KCNH1: variants seen among roughly 807,000 people sequenced by gnomAD.
KCNH1 encodes potassium voltage-gated channel subfamily H member 1, also known as voltage-gated delayed rectifier potassium channel KCNH1.
KCNH1 carries 27 observed loss-of-function variants against 69.2 expected under a neutral mutation model. The observed-to-expected ratio is 0.39, with a 90% CI of 0.29 to 0.54. The LOEUF is 0.54. Ranked by LOEUF, KCNH1 falls within the 20% of genes least tolerant of loss-of-function variation. The probability of loss-of-function intolerance (pLI) is 0.68; values close to 1 mark genes in which losing one functional copy is unlikely to be tolerated. For synonymous variants in KCNH1, 456 were observed against 487.7 expected (o/e 0.93, Z 0.86); for missense variants, 798 against 1,261.6 (o/e 0.63, Z 5.57).
rs1268172126 is a variant in KCNH1 at position 210,683,212 on chromosome 1, T to C, written c.*69A>G. 2.8e-5 allele frequency: 40 copies of C among 1,446,482 alleles called. No individual in the cohort carries two copies. The South Asian group carries it at 4.3e-4, about 16-fold the overall frequency. The allele number at this position is 1,446,482 out of a possible 1,614,324, so 89.6% of individuals were successfully genotyped here. A position where few individuals can be genotyped will look rare whatever the true frequency, so the allele number is the denominator to read the frequency against. On this transcript the variant is annotated 3_prime_UTR_variant, in exon 11 of 11. Transcript: ENST00000271751. This position sits in a 1 kb window ranked among gnomAD's most constrained non-coding sequence, Gnocchi z 5.7. ...GAAAATTGTTGGTCATGTGGACATA[T>C]GTGGTAGGGGTGGTGGTGACGGCAG...
chr1:211,081,757 G>A (rs537097054), intron 5 of KCNH1, among the ~76,000 whole-genome samples: 51 of 152,116 alleles, frequency 3.4e-4, no homozygotes, highest in Non-Finnish European at 6.8e-4. Context: ...TCATAGTTGG[G>A]AATTGAACAA....
At chr1:210,788,685 CTTTTTTTTTTTT>C (rs139485350) in intron 9 of KCNH1, among the ~76,000 whole-genome samples, 25 of 80,716 alleles carry the variant, frequency 3.1e-4, no homozygotes, top group South Asian at 1.5e-3. Flanking sequence ...TAGCTTCTTT[CTTTTTTTTTTTT>C]TTTTTTTTTT....
intron 5 of KCNH1, among the ~76,000 whole-genome samples, chr1:211,043,240 A>G (rs776533645): frequency 6.6e-6 from 1 of 152,238 alleles, no homozygotes; most frequent in Non-Finnish European, 1.5e-5. Context: ...GAGAAAATCC[A>G]AATAACCTCA....
At position 211,070,903 on chromosome 1, in the gene KCNH1, T is replaced by C. The variant is rs572469121; in HGVS notation, c.558+11877A>G. ...AGAATTACAGTTGGCCCTTGAACAA[T>C]GCAGGAGTTAGGGACACCGATGCCC... On this transcript the variant is annotated intron_variant, in intron 5 of 10. Transcript: ENST00000271751. Among the ~76,000 whole-genome samples, 3 of 151,690 alleles carry C rather than the reference T, an allele frequency of 2.0e-5. No individual in the cohort carries two copies. In the East Asian group the frequency reaches 5.8e-4, roughly 29 times the overall value.
intron 5 of KCNH1, among the ~76,000 whole-genome samples, chr1:211,079,319 T>C (rs1303860360): frequency 6.6e-6 from 1 of 152,200 alleles, no homozygotes; most frequent in Non-Finnish European, 1.5e-5. Context: ...ATTGAGGCAA[T>C]AATTAATAGC....
rs180705283 is a variant in KCNH1 at position 211,090,424 on chromosome 1, C to G, written c.439+138G>C. 17 of 704,810 alleles carry G rather than the reference C, an allele frequency of 2.4e-5. No homozygotes were observed. The East Asian group carries it at 5.0e-4, about 21-fold the overall frequency. 43.7% of individuals were successfully genotyped at this position (704,810 alleles called of 1,614,324 possible). On this transcript the variant is annotated intron_variant, in intron 4 of 10. Transcript: ENST00000271751. ...CGATACACTCCAGAATAACACAGTG[C>G]TTTGCTCTATACAAATTAAAGTTAG...
At chr1:210,918,182 C>T (rs1687386609) in intron 7 of KCNH1, among the ~76,000 whole-genome samples, 1 of 152,142 alleles carries the variant, frequency 6.6e-6, no homozygotes, top group South Asian at 2.1e-4. Context: ...GTAACAAAAT[C>T]CACTCACAAA....
chr1:211,063,305 A>G (rs1176884995), intron 5 of KCNH1: 2 of 152,140 alleles, frequency 1.3e-5, no homozygotes, highest in African/African-American at 4.8e-5. Flanking sequence ...TCTAGGAATG[A>G]TAGTAGTGGT....
intron 6 of KCNH1, among the ~76,000 whole-genome samples, chr1:210,994,509 CA>C (rs1295710704): frequency 2.0e-5 from 3 of 152,156 alleles, no homozygotes; most frequent in African/African-American, 4.8e-5. Context: ...AGAGAGTCTT[CA>C]AGGAGATGGT....
At chr1:210,870,084 A>G (rs919644750) in intron 7 of KCNH1, among the ~76,000 whole-genome samples, 3 of 152,126 alleles carry the variant, frequency 2.0e-5, no homozygotes, top group Non-Finnish European at 4.4e-5. Context: ...AGTTGGTATT[A>G]TCATAGGTCT....
At chr1:210,985,267 TG>T (rs1283915597) in intron 6 of KCNH1, among the ~76,000 whole-genome samples, 1 of 152,216 alleles carries the variant, frequency 6.6e-6, no homozygotes, top group Non-Finnish European at 1.5e-5. Context: ...AAGGGTTTTT[TG>T]TGTCTCTATC....
At chr1:210,884,914 A>G (rs1686570411) in intron 7 of KCNH1, among the ~76,000 whole-genome samples, 1 of 152,212 alleles carries the variant, frequency 6.6e-6, no homozygotes, top group African/African-American at 2.4e-5. Context: ...CTGTGAGTCA[A>G]CTTTACCCTT....
chr1:210,751,701 C>T (rs113088189), intron 10 of KCNH1, among the ~76,000 whole-genome samples: 3,153 of 152,088 alleles, frequency 0.021, 109 homozygotes, highest in African/African-American at 0.072. Flanking sequence ...TAACTTTTGA[C>T]TTGAAGTGCA....
At chr1:210,778,413 C>G (rs1339173265) in intron 9 of KCNH1, among the ~76,000 whole-genome samples, 2 of 151,724 alleles carry the variant, frequency 1.3e-5, no homozygotes, top group Admixed American at 6.6e-5. Context: ...GTTCCAACTA[C>G]TCAGAAGGCT....
chr1:211,021,464 C>T (rs1689585224), intron 5 of KCNH1, among the ~76,000 whole-genome samples: 1 of 151,958 alleles, frequency 6.6e-6, no homozygotes, highest in South Asian at 2.1e-4. Flanking sequence ...CTGAAAGTCC[C>T]AGACAGAACA....
chr1:210,993,618 G>A (rs1688972511), intron 6 of KCNH1, among the ~76,000 whole-genome samples: 1 of 152,178 alleles, frequency 6.6e-6, no homozygotes, highest in Admixed American at 6.5e-5. Context: ...CCCATGAAAA[G>A]TTTTAATACT....
intron 7 of KCNH1, among the ~76,000 whole-genome samples, chr1:210,817,316 C>T (rs193070422): frequency 7.9e-5 from 12 of 152,256 alleles, no homozygotes; most frequent in South Asian, 6.2e-4. Flanking sequence ...GACTTTCACT[C>T]TTTGGGCATA....
rs1204234786 is a variant in KCNH1 at position 210,846,461 on chromosome 1, G to A, written c.1463-42295C>T. On this transcript the variant is annotated intron_variant, in intron 7 of 10. Transcript: ENST00000271751. ...ACCATCTGATCTTTGACAAACCTGAGAAAAACAAGCAATGGGGAAAGGATT... is the reference window on the plus strand; with the variant it reads ...ACCATCTGATCTTTGACAAACCTGAAAAAAACAAGCAATGGGGAAAGGATT... 1.7e-4 allele frequency among the ~76,000 whole-genome samples: 26 copies of A among 152,038 alleles called. 1 individual carries two copies. In the South Asian group the frequency reaches 5.0e-3, roughly 29 times the overall value.
At chr1:211,086,132 G>A (rs942743410) in intron 4 of KCNH1, among the ~76,000 whole-genome samples, 2 of 152,172 alleles carry the variant, frequency 1.3e-5, no homozygotes, top group Admixed American at 6.5e-5. Context: ...CACCTAGCAC[G>A]AGGCTAGGCA....
Sources: allele counts gnomAD v4.1 joint callset (sites outside exome capture counted in the v4.1 genomes callset), GRCh38; gene constraint gnomAD v4.1.1; non-coding constraint Gnocchi (gnomAD v3.1); transcripts MANE v1.5; gene names NCBI Gene and HGNC (gene_info 2026-07-23, HGNC 2026-07-21).